MBD5: variants seen among roughly 807,000 people sequenced by gnomAD.
MBD5 encodes the protein methyl-CpG binding domain protein 5, also known as methyl-CpG-binding domain protein 5.
Under a neutral mutation model 117.3 loss-of-function variants are expected in MBD5, and 13 were observed. That is an observed-to-expected ratio of 0.11 (90% CI 0.07 to 0.18). The LOEUF (loss-of-function observed/expected upper bound fraction) is 0.18. Ranked by LOEUF, MBD5 falls within the 10% of genes least tolerant of loss-of-function variation. The pLI, the probability that MBD5 is intolerant of heterozygous loss-of-function variation, is 1.00. For missense variants in MBD5, 1,879 were observed against 2,093.8 expected (o/e 0.90, Z 2.00); for synonymous variants, 727 against 766.4 (o/e 0.95, Z 0.85).
Position 148,274,150 on chromosome 2 carries a change from C to T in MBD5, c.-680+40755C>T, listed in dbSNP as rs181857286. 4.6e-5 allele frequency among the ~76,000 whole-genome samples: 7 copies of T among 152,112 alleles called. No homozygotes were observed. In the South Asian group the frequency reaches 1.5e-3, roughly 32 times the overall value. ...AGAGCAAAATTGTCTAATACTTTTC[C>T]ATGTGTACAATGAGACATTTAACAT... On this transcript the variant is annotated intron_variant, in intron 3 of 13. Transcript: ENST00000642680.
At chr2:148,327,629 C>T (rs1468722362) in intron 3 of MBD5, among the ~76,000 whole-genome samples, 5 of 151,604 alleles carry the variant, frequency 3.3e-5, no homozygotes, top group East Asian at 1.9e-4. Flanking sequence ...TCCAGTTGAT[C>T]GCATTGGCTC....
intron 3 of MBD5, among the ~76,000 whole-genome samples, chr2:148,279,882 C>A (rs1191979037): frequency 2.6e-5 from 4 of 152,020 alleles, no homozygotes; most frequent in African/African-American, 4.8e-5. Flanking sequence ...TCCATGGGCT[C>A]AAGTGATCCT....
At chr2:148,050,228 G>A (rs1308230804) in intron 1 of MBD5, among the ~76,000 whole-genome samples, 4 of 152,074 alleles carry the variant, frequency 2.6e-5, no homozygotes, top group Non-Finnish European at 5.9e-5. Context: ...CAGCCATCAA[G>A]TGAGGTTGAA....
At chr2:148,368,234 C>T (rs570291834) in intron 4 of MBD5, among the ~76,000 whole-genome samples, 6 of 152,122 alleles carry the variant, frequency 3.9e-5, no homozygotes, top group African/African-American at 1.4e-4. Flanking sequence ...AAACAGAAAA[C>T]CAAACACCGC....
chr2:148,053,137 T>G (rs2105774813), intron 1 of MBD5, among the ~76,000 whole-genome samples: 1 of 152,280 alleles, frequency 6.6e-6, no homozygotes, highest in Non-Finnish European at 1.5e-5. Context: ...CAACTGTTAT[T>G]GTTGAACTGT....
chr2:148,077,160 C>G (rs1695529452), intron 1 of MBD5, among the ~76,000 whole-genome samples: 1 of 152,178 alleles, frequency 6.6e-6, no homozygotes, highest in Non-Finnish European at 1.5e-5. Context: ...CTCTCTAGCC[C>G]ATTGTCAAAA....
At chr2:148,367,172 C>T (rs1007752769) in intron 4 of MBD5, among the ~76,000 whole-genome samples, 3 of 152,036 alleles carry the variant, frequency 2.0e-5, no homozygotes, top group Non-Finnish European at 4.4e-5. Context: ...GAAATAACAC[C>T]ACACATCTAC....
intron 1 of MBD5, among the ~76,000 whole-genome samples, chr2:148,166,390 G>C (rs938538704): frequency 1.6e-4 from 24 of 152,176 alleles, no homozygotes; most frequent in Non-Finnish European, 1.2e-4. Context: ...TCTGGTAAAA[G>C]ATAGCTGTTT....
chr2:148,357,685 T>G (rs1435104264), intron 4 of MBD5, among the ~76,000 whole-genome samples: 1 of 152,210 alleles, frequency 6.6e-6, no homozygotes, highest in Non-Finnish European at 1.5e-5. Context: ...ATGGTCCACA[T>G]GGGCTGGCCA....
At chr2:148,472,786 A>C (rs1559089477) in intron 8 of MBD5, among the ~76,000 whole-genome samples, 1 of 152,310 alleles carries the variant, frequency 6.6e-6, no homozygotes, top group Non-Finnish European at 1.5e-5. Context: ...TTTTATTCTT[A>C]AAATGTTGCT....
At chr2:148,268,212 A>C (rs1043120456) in intron 3 of MBD5, among the ~76,000 whole-genome samples, 1 of 151,852 alleles carries the variant, frequency 6.6e-6, no homozygotes, top group African/African-American at 2.4e-5. Context: ...TGGCCTTCCA[A>C]AGTGCTGGAA....
intron 4 of MBD5, among the ~76,000 whole-genome samples, chr2:148,402,856 T>C (rs1443461518): frequency 2.0e-5 from 3 of 152,082 alleles, no homozygotes; most frequent in Admixed American, 6.5e-5. Context: ...AGTTATCAGA[T>C]AGTTGTTTTT....
At chr2:148,381,406 G>GA (rs1704138786) in intron 4 of MBD5, among the ~76,000 whole-genome samples, 1 of 151,972 alleles carries the variant, frequency 6.6e-6, no homozygotes, top group African/African-American at 2.4e-5. Context: ...GAAGTTTAGA[G>GA]AAAAAAGAAT....
chr2:148,046,678 A>C (rs1041906095), intron 1 of MBD5, among the ~76,000 whole-genome samples: 2 of 152,096 alleles, frequency 1.3e-5, no homozygotes, highest in Non-Finnish European at 2.9e-5. Flanking sequence ...TGTTATGCAC[A>C]TTGCTGCTAG....
intron 2 of MBD5, among the ~76,000 whole-genome samples, chr2:148,179,189 C>T (rs908548463): frequency 1.3e-5 from 2 of 152,110 alleles, no homozygotes; most frequent in Admixed American, 1.3e-4. Flanking sequence ...CCGGTCTCTA[C>T]TGAAAATACA....
At position 148,021,158 on chromosome 2, in the gene MBD5, C is replaced by G. The variant is rs1693695552; in HGVS notation, c.-1451C>G. 6.4e-6 allele frequency: 1 copy of G among 156,802 alleles called. No individual in the cohort carries two copies. Among genetic ancestry groups the G allele is most frequent in the African/African-American group, 2.4e-5 (1 of 41,204 alleles). 9.7% of individuals were successfully genotyped at this position (156,802 alleles called of 1,614,324 possible). On this transcript the variant is annotated 5_prime_UTR_variant, in exon 1 of 14. Transcript: ENST00000642680. ...GAGAGGCAGTGGCAGAGGGGGGGCA[C>G]CTTTTATTTCTATTTTTAAAGGGAC... is the stretch of plus-strand genomic sequence containing the variant.
At chr2:148,181,023 T>C (rs999996626) in intron 2 of MBD5, among the ~76,000 whole-genome samples, 2 of 152,208 alleles carry the variant, frequency 1.3e-5, no homozygotes, top group African/African-American at 4.8e-5. Context: ...CACATGTCTA[T>C]ATGTCAGCTT....
intron 9 of MBD5, among the ~76,000 whole-genome samples, chr2:148,484,956 A>G (rs1446677164): frequency 1.3e-5 from 2 of 152,168 alleles, no homozygotes; most frequent in Non-Finnish European, 2.9e-5. Flanking sequence ...CCTTTATAAT[A>G]TAGTATAATT....
intron 1 of MBD5, among the ~76,000 whole-genome samples, chr2:148,151,490 T>C (rs1307213276): frequency 2.0e-5 from 3 of 152,232 alleles, no homozygotes; most frequent in Admixed American, 2.0e-4. Context: ...TCTTTTTCTA[T>C]TGATTGGAAT....
Sources: allele counts gnomAD v4.1 joint callset (sites outside exome capture counted in the v4.1 genomes callset), GRCh38; gene constraint gnomAD v4.1.1; transcripts MANE v1.5; gene names NCBI Gene and HGNC (gene_info 2026-07-23, HGNC 2026-07-21).